The following BSN variants were observed in gnomAD, a reference collection of about 807,000 sequenced individuals.
BSN encodes protein bassoon.
BSN carries 57 observed loss-of-function variants against 264.8 expected under a neutral mutation model. The observed-to-expected ratio is 0.22, with a 90% CI of 0.17 to 0.27. The LOEUF (loss-of-function observed/expected upper bound fraction) is 0.27, where lower values mean the gene tolerates loss of function less well. BSN is among the 10% of genes least tolerant of loss of function. The pLI, the probability that BSN is intolerant of heterozygous loss-of-function variation, is 1.00. For missense variants in BSN, 4,615 were observed against 5,232.5 expected, an observed-to-expected ratio of 0.88 and a Z score of 3.64; for synonymous variants, 2,059 against 2,137.3, an observed-to-expected ratio of 0.96 and a Z score of 1.01.
At position 49,654,756 on chromosome 3, in the gene BSN, A is replaced by C; in HGVS notation, c.5200A>C (p.Ile1734Leu). The C allele has an allele frequency of 6.2e-7, 1 of 1,613,738 alleles. No homozygotes were observed. Among genetic ancestry groups the C allele is most frequent in the African/African-American group, 1.3e-5 (1 of 75,068 alleles). Residue 1734 changes from isoleucine (I) to leucine (L), a missense_variant, in exon 5 of 12, where the codon ATC (isoleucine) becomes CTC (leucine). Transcript: ENST00000296452. The surrounding 1 kb of genome is among the most constrained non-coding windows in gnomAD (Gnocchi z 4.1). ...CCTTGCTACTGCCACCACCGTGAGC[A>C]TCACCATGGCCTCGTCTGTGTTCAT... ...TFLATATTVSITMASSVFMAQ... is the reference protein window; with the variant it reads ...TFLATATTVSLTMASSVFMAQ...
chr3:49,612,578 G>A (rs568166189), intron 1 of BSN, among the ~76,000 whole-genome samples: 19 of 152,316 alleles, frequency 1.2e-4, no homozygotes, highest in African/African-American at 4.6e-4. Flanking sequence ...GATAAGCTTA[G>A]GGAGTATCTT....
intron 1 of BSN, among the ~76,000 whole-genome samples, chr3:49,618,815 T>C (rs147323990): frequency 2.0e-5 from 3 of 152,360 alleles, no homozygotes; most frequent in African/African-American, 7.2e-5. Flanking sequence ...CATGCAGCAG[T>C]GTGTCTTGCA....
In BSN at chr3:49,661,614, C is replaced by G; in HGVS notation, c.9769C>G (p.Leu3257Val). ...TAPDSQRLEPLGPGSSGRPGK... is the reference protein window; with the variant it reads ...TAPDSQRLEPVGPGSSGRPGK... The stretch of plus-strand genomic sequence containing the variant: ...TCCTGATAGCCAACGGCTGGAGCCC[C>G]TGGGGCCAGGCAGCAGTGGGCGTCC... Residue 3257 changes from leucine (L) to valine (V), a missense_variant, in exon 6 of 12, where the codon CTG becomes GTG. Leu to Val is a conservative substitution (Grantham distance 32). Around this residue, in one of 3 missense-constraint regions of BSN, gnomAD observed 3,415 missense variants for 3,866.4 expected, o/e 0.88. Coordinates refer to ENST00000296452, the MANE Select transcript of BSN (RefSeq NM_003458.4). 1 of 1,613,672 alleles carries G rather than the reference C, an allele frequency of 6.2e-7. No individual in the cohort carries two copies. Among genetic ancestry groups the G allele is most frequent in the South Asian group, 1.1e-5 (1 of 91,090 alleles).
In BSN at chr3:49,669,996, A is replaced by C. The variant is rs912898444; in HGVS notation, c.*2511A>C. 1.3e-5 allele frequency: 2 copies of C among 152,464 alleles called. No homozygotes were observed. Among genetic ancestry groups the C allele is most frequent in the Non-Finnish European group, 2.9e-5 (2 of 68,006 alleles). 9.4% of individuals were successfully genotyped at this position (152,464 alleles called of 1,614,324 possible). A position where few individuals can be genotyped will look rare whatever the true frequency, so the allele number is the denominator to read the frequency against. ...CATTTCTCAGGGGTCCGCATTTCTC[A>C]TGCTTTTCTATAAGATCTACACACC... On this transcript the variant is annotated 3_prime_UTR_variant, in exon 12 of 12. Transcript: ENST00000296452.
At chr3:49,626,862 C>G (rs896466957) in intron 2 of BSN, among the ~76,000 whole-genome samples, 1 of 152,204 alleles carries the variant, frequency 6.6e-6, no homozygotes, top group African/African-American at 2.4e-5. Flanking sequence ...GCCCCAGGCT[C>G]CTGGTGGGCA....
intron 1 of BSN, among the ~76,000 whole-genome samples, chr3:49,565,713 A>G (rs955786543): frequency 1.3e-5 from 2 of 152,236 alleles, no homozygotes; most frequent in Non-Finnish European, 2.9e-5. Context: ...TATTTAATTC[A>G]ATGGCATTTA....
At chr3:49,635,588 C>T (rs1458911873) in intron 2 of BSN, among the ~76,000 whole-genome samples, 1 of 152,218 alleles carries the variant, frequency 6.6e-6, no homozygotes, top group Non-Finnish European at 1.5e-5. Flanking sequence ...TAATGAACCC[C>T]TCCTCTCCTG....
At chr3:49,574,265 G>C (rs1398834974) in intron 1 of BSN, among the ~76,000 whole-genome samples, 2 of 151,564 alleles carry the variant, frequency 1.3e-5, no homozygotes, top group Admixed American at 1.3e-4. Flanking sequence ...ACTGTGACCA[G>C]CTAATAGTAC....
At chr3:49,610,649 A>G (rs1295918693) in intron 1 of BSN, among the ~76,000 whole-genome samples, 2 of 148,490 alleles carry the variant, frequency 1.3e-5, no homozygotes, top group East Asian at 2.1e-4. Flanking sequence ...TTAACATGGG[A>G]TGAATAGATA....
rs760610824 is a variant in BSN at position 49,663,148 on chromosome 3, C to T, written c.10990C>T (p.Arg3664Trp). The T allele has an allele frequency of 2.6e-5, 42 of 1,612,430 alleles. No individual in the cohort carries two copies. Among genetic ancestry groups the T allele is most frequent in the East Asian group, 4.5e-5 (2 of 44,874 alleles). ...CCGCCACACTGGTGAGGAGCCGGGA[C>T]GGCGTGCTGCCAAACCACACGCTCG... ...SGRHTGEEPG[R>W]RAAKPHARDL... is the part of the protein sequence containing the mutation. The change falls in exon 7 of 12, where the codon CGG becomes TGG. Residue 3664 changes from arginine to tryptophan, a missense_variant. Coordinates refer to ENST00000296452, the MANE Select transcript of BSN (RefSeq NM_003458.4).
At position 49,656,957 on chromosome 3, in the gene BSN, G is replaced by C; in HGVS notation, c.7401G>C (p.Glu2467Asp). Reference protein sequence around the residue: ...QLQQQLQQQLEEQKQRQKAPF... With the variant: ...QLQQQLQQQLDEQKQRQKAPF... ...AGCAGCAGCTGCAGCAGCAGCTAGAGGAGCAGAAGCAGCGGCAGAAGGCTC... is the reference window on the plus strand; with the variant it reads ...AGCAGCAGCTGCAGCAGCAGCTAGACGAGCAGAAGCAGCGGCAGAAGGCTC... Residue 2467 changes from glutamate to aspartate, a missense_variant, in exon 5 of 12, where the codon GAG becomes GAC. Glu to Asp is a conservative substitution (Grantham distance 45). This residue lies in a region of BSN where 3,415 missense variants were observed against 3,866.4 expected (regional missense o/e 0.88). Transcript: ENST00000296452. 2 of 1,606,224 alleles carry C rather than the reference G, an allele frequency of 1.2e-6. No individual in the cohort carries two copies. Among genetic ancestry groups the C allele is most frequent in the Non-Finnish European group, 1.7e-6 (2 of 1,175,620 alleles).
At chr3:49,565,003 AAAAAG>A (rs2051741417) in intron 1 of BSN, among the ~76,000 whole-genome samples, 1 of 151,986 alleles carries the variant, frequency 6.6e-6, no homozygotes, top group Non-Finnish European at 1.5e-5. Flanking sequence ...GGTAAAAAAA[AAAAAG>A]AAGAAAAGAA....
chr3:49,631,796 A>C (rs1045809249), intron 2 of BSN, among the ~76,000 whole-genome samples: 1 of 152,208 alleles, frequency 6.6e-6, no homozygotes, highest in African/African-American at 2.4e-5. Flanking sequence ...AGGTTTGGGA[A>C]GGTGGCAGTA....
At chr3:49,575,176 A>C (rs1304047609) in intron 1 of BSN, among the ~76,000 whole-genome samples, 1 of 151,874 alleles carries the variant, frequency 6.6e-6, no homozygotes, top group Non-Finnish European at 1.5e-5. Flanking sequence ...CAAAATGGCA[A>C]AATCCCATCT....
chr3:49,654,149 C>A lies in BSN; in HGVS notation c.4593C>A (p.Ala1531=). The A allele has an allele frequency of 6.2e-7, 1 of 1,614,052 alleles. No individual in the cohort carries two copies. ...PGAPTPSPMV[A]QGTQTPHRPS... is the part of the protein sequence containing the mutation. The stretch of plus-strand genomic sequence containing the variant: ...CCCCCACTCCATCACCTATGGTAGC[C>A]CAGGGTACACAAACACCACATCGAC... The change falls in exon 5 of 12, where the codon GCC becomes GCA. Residue 1531 remains alanine (A), a synonymous_variant. Transcript: ENST00000296452. The surrounding 1 kb of genome is among the most constrained non-coding windows in gnomAD (Gnocchi z 4.1).
downstream of BSN, among the ~76,000 whole-genome samples, chr3:49,672,057 A>G (rs868693064): frequency 7.1e-6 from 1 of 141,344 alleles, no homozygotes; most frequent in East Asian, 2.1e-4. Context: ...TTTAACACAG[A>G]TAAACAGGAA....
chr3:49,631,418 C>T (rs1346431657), intron 2 of BSN, among the ~76,000 whole-genome samples: 1 of 151,926 alleles, frequency 6.6e-6, no homozygotes, highest in Non-Finnish European at 1.5e-5. Flanking sequence ...TGCAAAGATA[C>T]ATGGTGGTGC....
chr3:49,575,718 C>G (rs2051841283), intron 1 of BSN, among the ~76,000 whole-genome samples: 1 of 148,472 alleles, frequency 6.7e-6, no homozygotes, highest in Non-Finnish European at 1.5e-5. Flanking sequence ...AATATTCAAA[C>G]AATTCAGTCA....
chr3:49,593,788 G>T (rs7632342), intron 1 of BSN, among the ~76,000 whole-genome samples: 35,797 of 136,976 alleles, frequency 0.26, 4,904 homozygotes, highest in Non-Finnish European at 0.29. Flanking sequence ...TTTTTTTTTT[G>T]TTTTGTTTTG....
Sources: allele counts gnomAD v4.1 joint callset (sites outside exome capture counted in the v4.1 genomes callset), GRCh38; gene constraint gnomAD v4.1.1; regional missense constraint gnomAD v4.1.1; non-coding constraint Gnocchi (gnomAD v3.1); transcripts MANE v1.5; gene names NCBI Gene and HGNC (gene_info 2026-07-23, HGNC 2026-07-21).